LOXL1: variants seen among roughly 807,000 people sequenced by gnomAD.
The protein encoded by LOXL1 is lysyl oxidase homolog 1.
LOXL1 carries 31 observed loss-of-function variants against 62.2 expected under a neutral mutation model. That is an observed-to-expected ratio of 0.50 (90% CI 0.37 to 0.67). The LOEUF (loss-of-function observed/expected upper bound fraction) is 0.67, where lower values mean the gene tolerates loss of function less well. Ranked by LOEUF, LOXL1 falls within the 30% of genes least tolerant of loss-of-function variation. The pLI is 0.00. For synonymous variants in LOXL1, 403 were observed against 384.4 expected (o/e 1.05, Z -0.56); for missense variants, 775 against 843.4 (o/e 0.92, Z 1.00).
intron 3 of LOXL1, 98 bp from the exon 4 acceptor site, chr15:73,946,969 A>G: frequency 7.6e-7 from 1 of 1,321,986 alleles, no homozygotes; most frequent in Non-Finnish European, 1.0e-6. Flanking sequence ...AGGCTGTGCC[A>G]CAGCAGGGTC....
chr15:73,941,915 G>A, intron 1 of LOXL1: 1 of 228,936 alleles, frequency 4.4e-6, no homozygotes, highest in South Asian at 3.9e-5. Context: ...GGAGGAAGGT[G>A]GAGGGGCAGG....
intron 1 of LOXL1, among the ~76,000 whole-genome samples, chr15:73,941,159 A>G (rs1161344853): frequency 6.6e-6 from 1 of 152,140 alleles, no homozygotes; most frequent in African/African-American, 2.4e-5. Context: ...TTGAGGGCCT[A>G]TGGGTCCCTT....
intron 1 of LOXL1, among the ~76,000 whole-genome samples, chr15:73,928,601 C>CAAAAAAAAAAA (rs55696344): frequency 5.7e-5 from 6 of 105,012 alleles, no homozygotes; most frequent in Non-Finnish European, 1.0e-4. Flanking sequence ...AAAATTAATG[C>CAAAAAAAAAAA]AAAAAAAAAA....
rs187324989 is a variant in LOXL1, at chr15:73,937,965, G to A, written c.1103-4889G>A. 3.1e-4 allele frequency among the ~76,000 whole-genome samples: 47 copies of A among 152,336 alleles called. 1 individual carries two copies. In the East Asian group the frequency reaches 7.1e-3, roughly 23 times the overall value. ...GTTCACTGTAGCGTGTTTGTGGAGC[G>A]GGGAGTTAGAGGTGACCTGGAGGTC... On this transcript the variant is annotated intron_variant, in intron 1 of 6. Transcript: ENST00000261921.
chr15:73,943,752 T>A (rs1291774365), intron 2 of LOXL1, among the ~76,000 whole-genome samples: 1 of 152,246 alleles, frequency 6.6e-6, no homozygotes, highest in African/African-American at 2.4e-5. Flanking sequence ...TCCCTTTATG[T>A]TGAAAGCACC....
intron 1 of LOXL1, among the ~76,000 whole-genome samples, chr15:73,939,255 C>T (rs899824522): frequency 6.6e-6 from 1 of 152,182 alleles, no homozygotes; most frequent in African/African-American, 2.4e-5. Flanking sequence ...GAGAAGGAGC[C>T]ATTGTTCCTT....
chr15:73,935,750 C>T (rs1376062865), intron 1 of LOXL1, among the ~76,000 whole-genome samples: 2 of 152,176 alleles, frequency 1.3e-5, no homozygotes, highest in African/African-American at 2.4e-5. Flanking sequence ...GGGCAGCTGG[C>T]GCAATCAAGC....
intron 4 of LOXL1, 62 bp downstream of exon 4, chr15:73,947,285 G>A (rs2068754928): frequency 4.6e-6 from 7 of 1,510,874 alleles, no homozygotes; most frequent in Admixed American, 3.8e-5. Flanking sequence ...GGCAAAGAGC[G>A]AGGCCCGCTG....
At chr15:73,931,524 C>T (rs1406327401) in intron 1 of LOXL1, among the ~76,000 whole-genome samples, 1 of 152,128 alleles carries the variant, frequency 6.6e-6, no homozygotes, top group African/African-American at 2.4e-5. Context: ...CTCCTTTTCT[C>T]AAGCCTCCAC....
chr15:73,942,460 G>A (rs1424174587), intron 1 of LOXL1, among the ~76,000 whole-genome samples: 1 of 151,994 alleles, frequency 6.6e-6, no homozygotes, highest in Non-Finnish European at 1.5e-5. Flanking sequence ...GTAAGGACTC[G>A]AGGGAGTGCC....
rs2068749506 is a variant in LOXL1 at position 73,946,567 on chromosome 15, G to A, written c.1349+13G>A. Reference sequence around the variant, plus strand: ...ACAGCTGCCACCAGTGAGTGGGGAGGGGCTGGGCCCGTCCTCTTCCACTTC... The same window carrying A: ...ACAGCTGCCACCAGTGAGTGGGGAGAGGCTGGGCCCGTCCTCTTCCACTTC... On this transcript the variant is annotated intron_variant, in intron 3 of 6. Transcript: ENST00000261921. The A allele has an allele frequency of 1.3e-6, 2 of 1,595,704 alleles. No homozygotes were observed. The highest frequency in any genetic ancestry group is 1.1e-5 in the South Asian group (1 of 88,336).
chr15:73,951,847 G>T lies in LOXL1; in HGVS notation c.*10G>T. Reference sequence around the variant, plus strand: ...CTTCCTCAGATCCTGATCTCCGGGAGGGACAGATGGCCAATCTCTCCCCTT... The same window carrying T: ...CTTCCTCAGATCCTGATCTCCGGGATGGACAGATGGCCAATCTCTCCCCTT... On this transcript the variant is annotated 3_prime_UTR_variant, in exon 7 of 7. Coordinates refer to ENST00000261921, the MANE Select transcript of LOXL1 (RefSeq NM_005576.4). 1 of 1,543,798 alleles carries T rather than the reference G, an allele frequency of 6.5e-7. No homozygotes were observed. The highest frequency in any genetic ancestry group is 2.5e-5 in the East Asian group (1 of 39,638).
At chr15:73,943,273 G>A (rs1376922075) in intron 2 of LOXL1, among the ~76,000 whole-genome samples, 1 of 152,222 alleles carries the variant, frequency 6.6e-6, no homozygotes, top group African/African-American at 2.4e-5. Flanking sequence ...TCAGGAAACT[G>A]AGGAGCAATG....
chr15:73,945,786 T>C lies in LOXL1; in HGVS notation c.1212-631T>C, dbSNP rs2068743327. On this transcript the variant is annotated intron_variant, in intron 2 of 6. Coordinates refer to ENST00000261921, the MANE Select transcript of LOXL1 (RefSeq NM_005576.4). The surrounding 1 kb of genome is among the most constrained non-coding windows in gnomAD (Gnocchi z 4.3). Reference sequence around the variant, plus strand: ...TGGAGTGCAGCAGCACAATTATAGCTCATTGCAGCCTCAAATTCCTGGGCT... The same window carrying C: ...TGGAGTGCAGCAGCACAATTATAGCCCATTGCAGCCTCAAATTCCTGGGCT... Among the ~76,000 whole-genome samples the C allele has an allele frequency of 6.6e-6, 1 of 151,994 alleles. No individual in the cohort carries two copies. Among genetic ancestry groups the C allele is most frequent in the South Asian group, 2.1e-4 (1 of 4,822 alleles).
At chr15:73,940,774 G>A (rs530684441) in intron 1 of LOXL1, among the ~76,000 whole-genome samples, 1 of 152,334 alleles carries the variant, frequency 6.6e-6, no homozygotes, top group African/African-American at 2.4e-5. Flanking sequence ...CTCAGTGTGT[G>A]TACATAGTCA....
chr15:73,937,478 CTGGCTT>C (rs1231969632), intron 1 of LOXL1, among the ~76,000 whole-genome samples: 1 of 152,236 alleles, frequency 6.6e-6, no homozygotes, highest in Non-Finnish European at 1.5e-5. Context: ...GCCGAGCATC[CTGGCTT>C]TGGCCATCTC....
rs2068581365 is a variant in LOXL1, at chr15:73,926,834, C to T, written c.51C>T (p.Ala17=). The T allele has an allele frequency of 6.5e-7, 1 of 1,532,702 alleles. No individual in the cohort carries two copies. The highest frequency in any genetic ancestry group is 8.8e-7 in the Non-Finnish European group (1 of 1,138,362). 94.9% of individuals were successfully genotyped at this position (1,532,702 alleles called of 1,614,324 possible). Residue 17 remains alanine, a synonymous_variant, in exon 1 of 7, where the codon GCC becomes GCT. Coordinates refer to ENST00000261921, the MANE Select transcript of LOXL1 (RefSeq NM_005576.4). ...SRQLGALVWG[A]CLCVLVHGQQ... is the part of the protein sequence containing the mutation. ...AGCTGGGGGCCCTGGTGTGGGGCGC[C>T]TGCCTGTGCGTGCTGGTGCACGGGC...
Position 73,926,608 on chromosome 15 carries a change from C to T in LOXL1, c.-176C>T, listed in dbSNP as rs550972788. The T allele has an allele frequency of 1.3e-4, 91 of 697,954 alleles. 1 individual carries two copies. The South Asian group carries it at 2.8e-3, about 22-fold the overall frequency. 43.2% of individuals were successfully genotyped at this position (697,954 alleles called of 1,614,324 possible). ...CCCTGCCCTGCCCTGACCCCTTGGC[C>T]TTGAAATGCTGTCATCGGAGGAGCC... On this transcript the variant is annotated 5_prime_UTR_variant, in exon 1 of 7. Coordinates refer to ENST00000261921, the MANE Select transcript of LOXL1 (RefSeq NM_005576.4).
chr15:73,939,908 A>T (rs557856582), intron 1 of LOXL1, among the ~76,000 whole-genome samples: 1 of 152,154 alleles, frequency 6.6e-6, no homozygotes. Flanking sequence ...GCTTCCAAAG[A>T]CATTATGTGC....
Sources: gnomAD v4.1 joint callset for allele counts (sites outside exome capture counted in the v4.1 genomes callset) on GRCh38, gnomAD v4.1.1 for gene constraint, Gnocchi (gnomAD v3.1) non-coding constraint, MANE v1.5 for transcripts, NCBI Gene and HGNC (gene_info 2026-07-23, HGNC 2026-07-21) for gene names.